SMYD4: variants seen among roughly 807,000 people sequenced by gnomAD.
SMYD4 encodes SET and MYND domain containing 4.
SMYD4 carries 68 observed loss-of-function variants against 72.8 expected under a neutral mutation model. The observed-to-expected ratio is 0.93, with a 90% confidence interval of 0.77 to 1.14. The LOEUF is 1.14. Among genes scored for constraint, SMYD4 ranks in the 50% most tolerant of loss-of-function variants. The pLI is 0.00. For synonymous variants in SMYD4, 407 were observed against 388.6 expected, an observed-to-expected ratio of 1.05 and a Z score of -0.56; for missense variants, 984 against 1,003.7, an observed-to-expected ratio of 0.98 and a Z score of 0.27.
At chr17:1,798,576 C>A (rs1194940564) in intron 5 of SMYD4, among the ~76,000 whole-genome samples, 4 of 151,608 alleles carry the variant, frequency 2.6e-5, no homozygotes, top group African/African-American at 9.7e-5. Context: ...CAGCCTGGGC[C>A]ACATAGCAAG....
chr17:1,790,021 T>C (rs1379950938), intron 5 of SMYD4, among the ~76,000 whole-genome samples: 1 of 152,136 alleles, frequency 6.6e-6, no homozygotes, highest in South Asian at 2.1e-4. Flanking sequence ...CACCTTCTGG[T>C]ATATGTGCTA....
In SMYD4 at chr17:1,779,650, CACTG is replaced by C. The variant is rs1427876496; in HGVS notation, c.*1632_*1635del. 1.3e-5 allele frequency: 2 copies of C among 152,210 alleles called. No homozygotes were observed. Among genetic ancestry groups the C allele is most frequent in the South Asian group, 4.1e-4 (2 of 4,830 alleles). The allele number at this position is 152,210 out of a possible 1,614,324, so 9.4% of individuals were successfully genotyped here. A position where few individuals can be genotyped will look rare whatever the true frequency, so the allele number is the denominator to read the frequency against. ...AGGACTGGAAAACTGGCAGGAAACA[CACTG>C]ACAGCCGTCATCCCTGGAGGAAACT... On this transcript the variant is annotated 3_prime_UTR_variant, in exon 11 of 11. Coordinates refer to ENST00000305513, the MANE Select transcript of SMYD4 (RefSeq NM_052928.3).
chr17:1,809,478 A>C (rs1393353547), intron 3 of SMYD4, among the ~76,000 whole-genome samples: 98 of 132,632 alleles, frequency 7.4e-4, no homozygotes, highest in Middle Eastern at 9.2e-3. Flanking sequence ...GGGTTCAAGC[A>C]ATTCTCCTGC....
chr17:1,791,292 G>C (rs984504989), intron 5 of SMYD4, among the ~76,000 whole-genome samples: 1 of 151,944 alleles, frequency 6.6e-6, no homozygotes, highest in Non-Finnish European at 1.5e-5. Context: ...CACGTGTCAC[G>C]GTCTAGAAAA....
chr17:1,826,336 T>C (rs1267901854), intron 2 of SMYD4, among the ~76,000 whole-genome samples: 1 of 151,332 alleles, frequency 6.6e-6, no homozygotes, highest in Non-Finnish European at 1.5e-5. Context: ...CTATTAAAAA[T>C]ACAAAATTAG....
chr17:1,804,524 A>T (rs954492477), intron 4 of SMYD4, 102 bp downstream of exon 4: 2 of 1,029,336 alleles, frequency 1.9e-6, no homozygotes, highest in African/African-American at 3.2e-5. Context: ...GCAGCATGAC[A>T]TGATTTTAGT....
Position 1,812,003 on chromosome 17 carries a change from C to T in SMYD4, c.247G>A (p.Asp83Asn). Residue 83 changes from aspartate (D) to asparagine (N), a missense_variant, in exon 3 of 11, where the codon GAT (aspartate) becomes AAT (asparagine). Transcript: ENST00000305513. ...EEGNKKFQEK[D>N]YTGAAVLYSK... ...TACAGCACTGCAGCTCCTGTGTAATCTTTCTCCTGAAATTTTTTGTTTCCT... is the reference window on the plus strand; with the variant it reads ...TACAGCACTGCAGCTCCTGTGTAATTTTTCTCCTGAAATTTTTTGTTTCCT... 2 of 1,614,112 alleles carry T rather than the reference C, an allele frequency of 1.2e-6. No individual in the cohort carries two copies. The highest frequency in any genetic ancestry group is 1.7e-6 in the Non-Finnish European group (2 of 1,180,020).
intron 8 of SMYD4, chr17:1,783,810 G>A: frequency 2.6e-6 from 1 of 378,408 alleles, no homozygotes; most frequent in Non-Finnish European, 4.8e-6. Flanking sequence ...TCATAAAGCA[G>A]GGTAAATAAA....
chr17:1,817,376 G>A (rs924253506), intron 2 of SMYD4, among the ~76,000 whole-genome samples: 7 of 151,832 alleles, frequency 4.6e-5, no homozygotes, highest in African/African-American at 7.3e-5. Flanking sequence ...TTGCTCTGTC[G>A]CCCAGGCTGG....
intron 5 of SMYD4, among the ~76,000 whole-genome samples, chr17:1,790,520 T>C (rs560478990): frequency 6.6e-6 from 1 of 152,150 alleles, no homozygotes; most frequent in Admixed American, 6.6e-5. Flanking sequence ...CATTTCTTTT[T>C]ATTTATTTAT....
chr17:1,781,265 G>A lies in SMYD4; in HGVS notation c.*21C>T. On this transcript the variant is annotated 3_prime_UTR_variant, in exon 11 of 11. Coordinates refer to ENST00000305513, the MANE Select transcript of SMYD4 (RefSeq NM_052928.3). ...GTGTTCCATGGGCTCCTTTTCTGTG[G>A]GTCAAAATCCTCCTGGAACCCTACA... 1 of 1,604,122 alleles carries A rather than the reference G, an allele frequency of 6.2e-7. No homozygotes were observed. The highest frequency in any genetic ancestry group is 8.5e-7 in the Non-Finnish European group (1 of 1,177,184).
At chr17:1,826,826 A>G (rs1911203398) in intron 2 of SMYD4, among the ~76,000 whole-genome samples, 1 of 152,144 alleles carries the variant, frequency 6.6e-6, no homozygotes, top group Non-Finnish European at 1.5e-5. Flanking sequence ...CTAACCACTT[A>G]TTTTTTGACA....
At chr17:1,786,261 G>A (rs1368021813) in intron 7 of SMYD4, among the ~76,000 whole-genome samples, 3 of 152,222 alleles carry the variant, frequency 2.0e-5, no homozygotes, top group Non-Finnish European at 4.4e-5. Context: ...ATCCTGCATC[G>A]TAAGAGGGAA....
At chr17:1,816,869 T>C (rs2151249882) in intron 2 of SMYD4, among the ~76,000 whole-genome samples, 1 of 152,150 alleles carries the variant, frequency 6.6e-6, no homozygotes, top group East Asian at 1.9e-4. Context: ...GTATCTTCTT[T>C]GGAGAAATGA....
chr17:1,791,845 C>T (rs1909046540), intron 5 of SMYD4, among the ~76,000 whole-genome samples: 1 of 152,004 alleles, frequency 6.6e-6, no homozygotes, highest in South Asian at 2.1e-4. Flanking sequence ...TACGATCGCC[C>T]CACTGCACTC....
chr17:1,800,901 T>C lies in SMYD4; in HGVS notation c.493A>G (p.Thr165Ala). Residue 165 changes from threonine to alanine, a missense_variant, in exon 5 of 11, where the codon ACC becomes GCC. Thr to Ala is a moderately conservative substitution (Grantham distance 58). Transcript: ENST00000305513. ...ALGRLQEASQTISDLERNFTA... is the reference protein window; with the variant it reads ...ALGRLQEASQAISDLERNFTA... Reference sequence around the variant, plus strand: ...AAGTTCCTTTCAAGATCACTGATGGTCTGGCTTGCCTCCTGCAGTCTCCCC... The same window carrying C: ...AAGTTCCTTTCAAGATCACTGATGGCCTGGCTTGCCTCCTGCAGTCTCCCC... The C allele has an allele frequency of 6.2e-7, 1 of 1,614,200 alleles. No homozygotes were observed. Among genetic ancestry groups the C allele is most frequent in the African/African-American group, 1.3e-5 (1 of 75,042 alleles).
intron 2 of SMYD4, among the ~76,000 whole-genome samples, chr17:1,820,661 T>G (rs72822487): frequency 6.6e-6 from 1 of 152,186 alleles, no homozygotes; most frequent in Non-Finnish European, 1.5e-5. Context: ...TGAATGTGGA[T>G]AGTGAAGCTA....
At chr17:1,787,358 GA>G in intron 6 of SMYD4, 63 bp downstream of exon 6, 1 of 1,541,920 alleles carries the variant, frequency 6.5e-7, no homozygotes, top group Non-Finnish European at 8.8e-7. Context: ...GTGGCTTGCT[GA>G]CTTGCGTCCC....
rs898686740 is a variant in SMYD4, at chr17:1,829,724, A to G, written c.-13+2T>C. On this transcript the variant is annotated splice_donor_variant, in intron 1 of 10. Transcript: ENST00000305513. LOFTEE classifies it low-confidence loss of function (5UTR_SPLICE). Reference sequence around the variant, plus strand: ...AGCTTTAACCTCCTCTGGGATACCAACCCGTGCACTCGCCAGAGACCGAGG... The same window carrying G: ...AGCTTTAACCTCCTCTGGGATACCAGCCCGTGCACTCGCCAGAGACCGAGG... 14 of 175,210 alleles carry G rather than the reference A, an allele frequency of 8.0e-5. No homozygotes were observed. The Admixed American group carries it at 8.8e-4, about 11-fold the overall frequency. 10.9% of individuals were successfully genotyped at this position (175,210 alleles called of 1,614,324 possible). A position where few individuals can be genotyped will look rare whatever the true frequency, so the allele number is the denominator to read the frequency against.
Sources: allele counts gnomAD v4.1 joint callset (sites outside exome capture counted in the v4.1 genomes callset), GRCh38; gene constraint gnomAD v4.1.1; transcripts MANE v1.5; gene names NCBI Gene and HGNC (gene_info 2026-07-23, HGNC 2026-07-21).